Variants in TAGLN2 observed in about 807,000 individuals in gnomAD.
The protein encoded by TAGLN2 is transgelin-2.
A neutral mutation model predicts 24.9 loss-of-function variants in TAGLN2; 14 were observed. That is an observed-to-expected ratio of 0.56 (90% confidence interval 0.37 to 0.88). The LOEUF is 0.88. Ranked by LOEUF, TAGLN2 falls within the 40% of genes least tolerant of loss-of-function variation. The pLI, the probability that TAGLN2 is intolerant of heterozygous loss-of-function variation, is 0.00. For missense variants in TAGLN2, 208 were observed against 258.9 expected (o/e 0.80, Z 1.35); for synonymous variants, 77 against 98.2 (o/e 0.78, Z 1.28).
At chr1:159,920,917 T>C (rs1020117009) in intron 1 of TAGLN2, among the ~76,000 whole-genome samples, 3 of 152,114 alleles carry the variant, frequency 2.0e-5, no homozygotes, top group Non-Finnish European at 4.4e-5. Flanking sequence ...CACAGTGCCA[T>C]CAGGGAGACA....
At chr1:159,923,858 C>T in intron 1 of TAGLN2, 1 of 211,978 alleles carries the variant, frequency 4.7e-6, no homozygotes. Flanking sequence ...GGGCTCCGGG[C>T]AGAAACACCC....
chr1:159,923,532 G>A (rs1650603568), intron 1 of TAGLN2: 4 of 1,511,118 alleles, frequency 2.6e-6, no homozygotes, highest in East Asian at 5.0e-5. Context: ...AAGACAAAGG[G>A]ACTCTCCATC....
At chr1:159,922,240 G>A (rs967517978) in intron 1 of TAGLN2, among the ~76,000 whole-genome samples, 9 of 152,202 alleles carry the variant, frequency 5.9e-5, no homozygotes, top group Non-Finnish European at 1.0e-4. Context: ...AGTCCCTCCC[G>A]TCCCGACTCC....
chr1:159,922,098 C>A (rs911681885), intron 1 of TAGLN2, among the ~76,000 whole-genome samples: 1 of 152,230 alleles, frequency 6.6e-6, no homozygotes, highest in African/African-American at 2.4e-5. Context: ...CCAGCTCCCC[C>A]TCTCCCACAC....
chr1:159,923,607 G>C (rs1372879561), intron 1 of TAGLN2: 3 of 890,238 alleles, frequency 3.4e-6, no homozygotes, highest in Non-Finnish European at 5.0e-6. Context: ...TGTTCTCAAA[G>C]AGCAGCACAG....
rs139865543 is a variant in TAGLN2, at chr1:159,918,681, C to A, written c.*119G>T. 6.9e-4 allele frequency: 987 copies of A among 1,431,280 alleles called. 6 individuals carry two copies. The African/African-American group carries it at 0.012, about 17-fold the overall frequency. The allele number at this position is 1,431,280 out of a possible 1,614,324, so 88.7% of individuals were successfully genotyped here. On this transcript the variant is annotated 3_prime_UTR_variant, in exon 5 of 5. Coordinates refer to ENST00000368097, the MANE Select transcript of TAGLN2 (RefSeq NM_003564.3). ...AGGTGACAGGACAGGCTGAACCCCC[C>A]ACCCTGACAGAAAGGAGCTTGAGAG...
chr1:159,923,699 G>GAGAC, intron 1 of TAGLN2: 1 of 413,640 alleles, frequency 2.4e-6, no homozygotes, highest in Admixed American at 4.4e-5. Flanking sequence ...AACCACCGTA[G>GAGAC]GGCAGCCCCT....
chr1:159,919,191 C>T, intron 4 of TAGLN2, 83 bp downstream of exon 4: 1 of 1,418,502 alleles, frequency 7.0e-7, no homozygotes. Context: ...CCAGCTGCTA[C>T]TGAGATAAGT....
In TAGLN2 at chr1:159,920,536, A is replaced by T. The variant is rs754720025; in HGVS notation, c.-27T>A. 6.2e-7 allele frequency: 1 copy of T among 1,612,520 alleles called. No homozygotes were observed. The highest frequency in any genetic ancestry group is 1.1e-5 in the South Asian group (1 of 90,994). On this transcript the variant is annotated splice_region_variant and 5_prime_UTR_variant, in exon 2 of 5. Transcript: ENST00000368097. ...CCAATGGGTGGCGGTGGCTGCGGGGAGCTAGGGAGAGGACACACCCGGGCT... is the reference window on the plus strand; with the variant it reads ...CCAATGGGTGGCGGTGGCTGCGGGGTGCTAGGGAGAGGACACACCCGGGCT...
At chr1:159,919,533 A>G (rs1410070099) in intron 3 of TAGLN2, 128 bp downstream of exon 3, 2 of 1,353,514 alleles carry the variant, frequency 1.5e-6, no homozygotes. Context: ...CAAGTGCTCC[A>G]TGGAACACAA....
intron 1 of TAGLN2, among the ~76,000 whole-genome samples, chr1:159,921,825 AC>A (rs1156293018): frequency 2.6e-5 from 4 of 152,240 alleles, no homozygotes; most frequent in Admixed American, 2.6e-4. Flanking sequence ...CCTGGGTCTG[AC>A]ACTCAGGGGC....
At chr1:159,921,729 T>G (rs903070947) in intron 1 of TAGLN2, among the ~76,000 whole-genome samples, 1 of 152,170 alleles carries the variant, frequency 6.6e-6, no homozygotes, top group Non-Finnish European at 1.5e-5. Flanking sequence ...TGGAGGAGCT[T>G]GATTAGCAAG....
In TAGLN2 at chr1:159,918,797, G is replaced by A. The variant is rs1440208969; in HGVS notation, c.*3C>T. ...GAGGGCAGGGGCAAGGCCTGGGGTGGGATCAGAGGATCTGGCGTGGCATCC... is the reference window on the plus strand; with the variant it reads ...GAGGGCAGGGGCAAGGCCTGGGGTGAGATCAGAGGATCTGGCGTGGCATCC... On this transcript the variant is annotated 3_prime_UTR_variant, in exon 5 of 5. Transcript: ENST00000368097. 1 of 1,613,752 alleles carries A rather than the reference G, an allele frequency of 6.2e-7. No homozygotes were observed. The highest frequency in any genetic ancestry group is 2.2e-5 in the East Asian group (1 of 44,896).
chr1:159,918,843 T>C lies in TAGLN2; in HGVS notation c.557A>G (p.Gln186Arg). Residue 186 changes from glutamine to arginine, a missense_variant, in exon 5 of 5, where the codon CAG becomes CGG. Transcript: ENST00000368097. Reference protein sequence around the residue: ...LQMGTNRGASQAGMTGYGMPR... With the variant: ...LQMGTNRGASRAGMTGYGMPR... Reference sequence around the variant, plus strand: ...CATCCCGTAGCCAGTCATGCCTGCCTGAGACGCCCCGCGGTTGGTGCCCAT... The same window carrying C: ...CATCCCGTAGCCAGTCATGCCTGCCCGAGACGCCCCGCGGTTGGTGCCCAT... 1.2e-6 allele frequency: 2 copies of C among 1,614,108 alleles called. No homozygotes were observed. The highest frequency in any genetic ancestry group is 1.1e-5 in the South Asian group (1 of 91,084).
At chr1:159,919,044 C>G in intron 4 of TAGLN2, 103 bp from the exon 5 acceptor site, 1 of 1,542,210 alleles carries the variant, frequency 6.5e-7, no homozygotes, top group Non-Finnish European at 8.8e-7. Context: ...AGGGCTGGTG[C>G]CAGCTCTGCC....
chr1:159,923,664 A>G (rs944389610), intron 1 of TAGLN2: 3 of 489,994 alleles, frequency 6.1e-6, no homozygotes, highest in African/African-American at 6.0e-5. Flanking sequence ...AGCAGCAAGG[A>G]TGGGGGGCGG....
At chr1:159,923,827 A>C in intron 1 of TAGLN2, 1 of 251,738 alleles carries the variant, frequency 4.0e-6, no homozygotes. Context: ...TGTGTACCAA[A>C]CAGTGTTGGA....
At chr1:159,925,039 AGT>A (rs1650656274) in intron 1 of TAGLN2, 1 of 152,252 alleles carries the variant, frequency 6.6e-6, no homozygotes, top group Admixed American at 6.5e-5. Context: ...GGAACCAGGA[AGT>A]GAAGGGTCGC....
rs1317349265 is a variant in TAGLN2, at chr1:159,920,488, A to G, written c.22T>C (p.Tyr8His). Residue 8 changes from tyrosine to histidine, a missense_variant, in exon 2 of 5, where the codon TAT (tyrosine) becomes CAT (histidine). Coordinates refer to ENST00000368097, the MANE Select transcript of TAGLN2 (RefSeq NM_003564.3). MANRGPA[Y>H]GLSREVQQKI... The stretch of plus-strand genomic sequence containing the variant: ...TGCTGCACCTCCCGGCTCAGGCCAT[A>G]TGCAGGTCCCCTGTTGGCCATTCCA... The G allele has an allele frequency of 6.2e-7, 1 of 1,614,214 alleles. No homozygotes were observed. Among genetic ancestry groups the G allele is most frequent in the Admixed American group, 1.7e-5 (1 of 60,032 alleles).
Sources: gnomAD v4.1 joint callset for allele counts (sites outside exome capture counted in the v4.1 genomes callset) on GRCh38, gnomAD v4.1.1 for gene constraint, MANE v1.5 for transcripts, NCBI Gene and HGNC (gene_info 2026-07-23, HGNC 2026-07-21) for gene names.